The following ANKRD12 variants were observed in gnomAD, a reference collection of about 807,000 sequenced individuals.
ANKRD12 encodes ankyrin repeat domain 12.
A neutral mutation model predicts 183.4 loss-of-function variants in ANKRD12; 85 were observed. The ratio of observed to expected loss-of-function variants is 0.46; its 90% CI spans 0.39 to 0.56. The LOEUF (loss-of-function observed/expected upper bound fraction) is 0.56, where lower values mean the gene tolerates loss of function less well. Among genes scored for constraint, ANKRD12 ranks in the 20% least tolerant of loss-of-function variants. The probability of loss-of-function intolerance (pLI) is 0.00; values close to 1 mark genes in which losing one functional copy is unlikely to be tolerated. For missense variants in ANKRD12, 2,405 were observed against 2,357.1 expected, an observed-to-expected ratio of 1.02 and a Z score of -0.42; for synonymous variants, 914 against 800.2, an observed-to-expected ratio of 1.14 and a Z score of -2.40.
intron 8 of ANKRD12, among the ~76,000 whole-genome samples, chr18:9,224,969 G>C (rs1026514788): frequency 1.3e-5 from 2 of 152,230 alleles, no homozygotes; most frequent in South Asian, 2.1e-4. Context: ...GGGCATGGTG[G>C]CATGTGCCTG....
At chr18:9,147,711 C>T (rs1439671407) in intron 1 of ANKRD12, among the ~76,000 whole-genome samples, 1 of 152,076 alleles carries the variant, frequency 6.6e-6, no homozygotes, top group Non-Finnish European at 1.5e-5. Context: ...CTAGTGAAAG[C>T]TAAACTTCAA....
intron 1 of ANKRD12, among the ~76,000 whole-genome samples, chr18:9,161,889 G>T (rs2031477427): frequency 6.6e-6 from 1 of 151,196 alleles, no homozygotes; most frequent in African/African-American, 2.4e-5. Flanking sequence ...TTAGAGACAG[G>T]GTCTCACTCT....
chr18:9,174,357 G>A (rs1200066039), intron 1 of ANKRD12, among the ~76,000 whole-genome samples: 1 of 152,190 alleles, frequency 6.6e-6, no homozygotes, highest in Non-Finnish European at 1.5e-5. Context: ...GGGAGGATAC[G>A]GATGGATTTC....
intron 1 of ANKRD12, among the ~76,000 whole-genome samples, chr18:9,142,710 C>A (rs2078360816): frequency 6.6e-6 from 1 of 151,996 alleles, no homozygotes; most frequent in African/African-American, 2.4e-5. Flanking sequence ...GGTGAAACCC[C>A]CTCTCTACTA....
intron 1 of ANKRD12, among the ~76,000 whole-genome samples, chr18:9,176,481 G>A (rs1481366587): frequency 6.6e-6 from 1 of 151,928 alleles, no homozygotes; most frequent in African/African-American, 2.4e-5. Flanking sequence ...TGTAGAGGCG[G>A]GGTTTCACCA....
chr18:9,260,898 C>T (rs1237922213), intron 9 of ANKRD12, among the ~76,000 whole-genome samples: 1 of 152,130 alleles, frequency 6.6e-6, no homozygotes, highest in South Asian at 2.1e-4. Flanking sequence ...TCCATAAGCT[C>T]CAGAAACTCA....
chr18:9,166,947 T>G (rs2143887963), intron 1 of ANKRD12, among the ~76,000 whole-genome samples: 1 of 152,344 alleles, frequency 6.6e-6, no homozygotes. Context: ...CTAGCCAGTT[T>G]TCCCAGCACC....
chr18:9,195,906 T>C (rs1418779351), intron 3 of ANKRD12, among the ~76,000 whole-genome samples: 1 of 152,146 alleles, frequency 6.6e-6, no homozygotes, highest in Non-Finnish European at 1.5e-5. Context: ...CTTTATTCCT[T>C]ACTCTTTGAA....
chr18:9,146,680 T>A (rs950590216), intron 1 of ANKRD12, among the ~76,000 whole-genome samples: 3 of 152,228 alleles, frequency 2.0e-5, no homozygotes, highest in Non-Finnish European at 4.4e-5. Flanking sequence ...TTTCTCCTTC[T>A]CATCAACATG....
At chr18:9,159,802 A>ATT (rs560986854) in intron 1 of ANKRD12, among the ~76,000 whole-genome samples, 1 of 141,560 alleles carries the variant, frequency 7.1e-6, no homozygotes, top group Admixed American at 7.2e-5. Context: ...GTAGTTTCAG[A>ATT]TTTTTTTTTT....
intron 1 of ANKRD12, among the ~76,000 whole-genome samples, chr18:9,164,076 G>A (rs2031766175): frequency 6.6e-6 from 1 of 152,066 alleles, no homozygotes; most frequent in African/African-American, 2.4e-5. Flanking sequence ...GAAATGGTGA[G>A]ACAGTGCATC....
At chr18:9,197,983 C>G (rs923418373) in intron 3 of ANKRD12, among the ~76,000 whole-genome samples, 4 of 152,138 alleles carry the variant, frequency 2.6e-5, no homozygotes, top group Non-Finnish European at 5.9e-5. Flanking sequence ...GAGGATTTCC[C>G]TAGTCCCAGT....
chr18:9,173,624 G>T (rs868669829), intron 1 of ANKRD12, among the ~76,000 whole-genome samples: 2 of 148,982 alleles, frequency 1.3e-5, no homozygotes, highest in African/African-American at 2.5e-5. Flanking sequence ...GGTGGGGGGG[G>T]GGTAGGGGGG....
intron 9 of ANKRD12, among the ~76,000 whole-genome samples, chr18:9,263,020 A>G (rs2039070676): frequency 1.3e-5 from 2 of 151,556 alleles, no homozygotes; most frequent in African/African-American, 4.8e-5. Flanking sequence ...CTGGTCTCGA[A>G]CTACTAACCT....
intron 1 of ANKRD12, among the ~76,000 whole-genome samples, chr18:9,174,063 T>C (rs2033021426): frequency 6.6e-6 from 1 of 152,096 alleles, no homozygotes; most frequent in South Asian, 2.1e-4. Flanking sequence ...GGGTCCCACT[T>C]AAAAGAGCAG....
At chr18:9,231,928 G>C (rs1002926017) in intron 8 of ANKRD12, among the ~76,000 whole-genome samples, 27 of 142,554 alleles carry the variant, frequency 1.9e-4, no homozygotes, top group African/African-American at 7.0e-4. Flanking sequence ...TTTTCAATCT[G>C]TATGTGTCCT....
At position 9,185,888 on chromosome 18, in the gene ANKRD12, G is replaced by C. The variant is rs996860453; in HGVS notation, c.87+3369G>C. Among the ~76,000 whole-genome samples the C allele has an allele frequency of 3.3e-5, 5 of 152,322 alleles. No homozygotes were observed. The South Asian group carries it at 6.2e-4, about 19-fold the overall frequency. The stretch of plus-strand genomic sequence containing the variant: ...AATGACCTTGATGAAAGTAGTTTGC[G>C]TGGAGATGTGGGGACAGAATGCAAT... On this transcript the variant is annotated intron_variant, in intron 2 of 12. Coordinates refer to ENST00000262126, the MANE Select transcript of ANKRD12 (RefSeq NM_015208.5).
intron 8 of ANKRD12, among the ~76,000 whole-genome samples, chr18:9,234,023 C>T (rs1198376757): frequency 6.6e-6 from 1 of 151,914 alleles, no homozygotes; most frequent in Non-Finnish European, 1.5e-5. Context: ...GTAGTGAATG[C>T]TGGTGTTGGC....
In ANKRD12 at chr18:9,281,311, AAC is replaced by A; in HGVS notation, c.*189_*190del. On this transcript the variant is annotated 3_prime_UTR_variant, in exon 13 of 13. Transcript: ENST00000262126. ...AGAATTATTTTGGATCTTAGATCCA[AAC>A]ACAGTTTCTAATAGAAAACTATTAT... 2.1e-6 allele frequency: 1 copy of A among 484,948 alleles called. No homozygotes were observed. The highest frequency in any genetic ancestry group is 3.5e-6 in the Non-Finnish European group (1 of 282,066). 30.0% of individuals were successfully genotyped at this position (484,948 alleles called of 1,614,324 possible). A position where few individuals can be genotyped will look rare whatever the true frequency, so the allele number is the denominator to read the frequency against.
Sources: allele counts gnomAD v4.1 joint callset (sites outside exome capture counted in the v4.1 genomes callset), GRCh38; gene constraint gnomAD v4.1.1; transcripts MANE v1.5; gene names NCBI Gene and HGNC (gene_info 2026-07-23, HGNC 2026-07-21).